The following WDR82 variants were observed in gnomAD, a reference collection of about 807,000 sequenced individuals.
WDR82 encodes the protein WD repeat-containing protein 82.
WDR82 carries 8 observed loss-of-function variants against 36.1 expected under a neutral mutation model. The ratio of observed to expected loss-of-function variants is 0.22; its 90% CI spans 0.13 to 0.40. The LOEUF is 0.40. Among genes scored for constraint, WDR82 ranks in the 10% least tolerant of loss-of-function variants. WDR82 has a pLI of 1.00. For synonymous variants in WDR82, 129 were observed against 137.8 expected (o/e 0.94, Z 0.45); for missense variants, 185 against 400.5 (o/e 0.46, Z 4.59).
Position 52,256,607 on chromosome 3 carries a change from G to T in WDR82, c.*883C>A, listed in dbSNP as rs1464059249. 1 of 153,702 alleles carries T rather than the reference G, an allele frequency of 6.5e-6. No individual in the cohort carries two copies. The highest frequency in any genetic ancestry group is 1.5e-5 in the Non-Finnish European group (1 of 68,048). 9.5% of individuals were successfully genotyped at this position (153,702 alleles called of 1,614,324 possible). ...AACTCAGACTCACTTCACAATACTGGCCCACAGGTAAGTGTGATGTATCTC... is the reference window on the plus strand; with the variant it reads ...AACTCAGACTCACTTCACAATACTGTCCCACAGGTAAGTGTGATGTATCTC... On this transcript the variant is annotated 3_prime_UTR_variant, in exon 9 of 9. Transcript: ENST00000296490.
chr3:52,270,238 G>C (rs1403263694), intron 2 of WDR82, among the ~76,000 whole-genome samples: 3 of 152,194 alleles, frequency 2.0e-5, no homozygotes, highest in South Asian at 2.1e-4. Flanking sequence ...TCCTGCCTCA[G>C]CCTCCTGTGT....
In WDR82 at chr3:52,255,611, TAAAA is replaced by T. The variant is rs879117451; in HGVS notation, c.*1875_*1878del. ...AGGAACAAGTCAAAAAGTAATTGCT[TAAAA>T]AAAAAAAGTGCTAGCAATTCACAGC... On this transcript the variant is annotated 3_prime_UTR_variant, in exon 9 of 9. Coordinates refer to ENST00000296490, the MANE Select transcript of WDR82 (RefSeq NM_025222.4). 6.8e-6 allele frequency: 1 copy of T among 146,332 alleles called. No homozygotes were observed. Among genetic ancestry groups the T allele is most frequent in the East Asian group, 2.0e-4 (1 of 5,042 alleles). 9.1% of individuals were successfully genotyped at this position (146,332 alleles called of 1,614,324 possible). A position where few individuals can be genotyped will look rare whatever the true frequency, so the allele number is the denominator to read the frequency against.
chr3:52,258,734 T>A, intron 7 of WDR82, 56 bp from the exon 8 acceptor site: 1 of 1,609,312 alleles, frequency 6.2e-7, no homozygotes, highest in Non-Finnish European at 8.5e-7. Context: ...CAAAGACAAC[T>A]GGAAATGAGA....
rs1553619918 is a variant in WDR82 at position 52,277,065 on chromosome 3, A to AAATGAT, written c.161+1135_161+1136insATCATT. 2.1e-5 allele frequency among the ~76,000 whole-genome samples: 3 copies of AAATGAT among 141,022 alleles called. No individual in the cohort carries two copies. The South Asian group carries it at 6.8e-4, about 32-fold the overall frequency. 92.5% of individuals were successfully genotyped at this position (141,022 alleles called of 152,430 possible). ...AAGGTGGAGAAAAACCCAAGATCTC[A>AAATGAT]AATAATAATAATAATAATAATAATA... On this transcript the variant is annotated intron_variant, in intron 1 of 8. Transcript: ENST00000296490.
At chr3:52,264,219 T>C (rs1700086533) in intron 3 of WDR82, among the ~76,000 whole-genome samples, 1 of 152,022 alleles carries the variant, frequency 6.6e-6, no homozygotes, top group African/African-American at 2.4e-5. Context: ...AAACTGATAA[T>C]AGACATGAGC....
intron 6 of WDR82, 60 bp from the exon 7 acceptor site, chr3:52,259,326 TACAA>T: frequency 6.6e-7 from 1 of 1,522,856 alleles, no homozygotes; most frequent in Non-Finnish European, 9.1e-7. Context: ...AACAGCTGCC[TACAA>T]ACACTGACTC....
chr3:52,261,786 G>A (rs1252580995), intron 3 of WDR82, among the ~76,000 whole-genome samples: 1 of 152,162 alleles, frequency 6.6e-6, no homozygotes, highest in African/African-American at 2.4e-5. Flanking sequence ...GTGTTGGTGA[G>A]GATGCAGAGA....
At chr3:52,276,460 A>C (rs1295149756) in intron 1 of WDR82, among the ~76,000 whole-genome samples, 2 of 152,114 alleles carry the variant, frequency 1.3e-5, no homozygotes, top group African/African-American at 2.4e-5. Flanking sequence ...AAAAAAAAGA[A>C]AGACAGGACT....
intron 4 of WDR82, 53 bp downstream of exon 4, chr3:52,261,327 A>C (rs1670311807): frequency 6.7e-7 from 1 of 1,488,988 alleles, no homozygotes; most frequent in South Asian, 1.2e-5. Flanking sequence ...AGAGTTCATT[A>C]CAGTGCCTAC....
intron 1 of WDR82, among the ~76,000 whole-genome samples, chr3:52,271,517 GAT>G (rs1700153679): frequency 6.6e-6 from 1 of 151,780 alleles, no homozygotes; most frequent in African/African-American, 2.4e-5. Flanking sequence ...AACAAAGAGG[GAT>G]ATGAGAATAT....
At chr3:52,277,264 G>A (rs75217769) in intron 1 of WDR82, among the ~76,000 whole-genome samples, 3,845 of 152,094 alleles carry the variant, frequency 0.025, 159 homozygotes, top group African/African-American at 0.087. Context: ...CGTGCGGTGA[G>A]GAGGGCTGAC....
chr3:52,273,617 G>C (rs1310493003), intron 1 of WDR82, among the ~76,000 whole-genome samples: 2 of 151,822 alleles, frequency 1.3e-5, no homozygotes, highest in Admixed American at 6.6e-5. Context: ...TTCCCAATTT[G>C]ATTTTTATTA....
rs145715755 is a variant in WDR82 at position 52,261,590 on chromosome 3, T to C, written c.327-111A>G. 135 of 806,634 alleles carry C rather than the reference T, an allele frequency of 1.7e-4. No individual in the cohort carries two copies. In the African/African-American group the frequency reaches 2.0e-3, roughly 12 times the overall value. 50.0% of individuals were successfully genotyped at this position (806,634 alleles called of 1,614,324 possible). ...CATATATATACCTGTTCTCCCAAAA[T>C]TGCCATTTTAAGAAACACAATAAAA... On this transcript the variant is annotated intron_variant, in intron 3 of 8. Coordinates refer to ENST00000296490, the MANE Select transcript of WDR82 (RefSeq NM_025222.4).
intron 2 of WDR82, among the ~76,000 whole-genome samples, chr3:52,269,186 G>T (rs1375027872): frequency 6.6e-6 from 1 of 152,126 alleles, no homozygotes; most frequent in African/African-American, 2.4e-5. Flanking sequence ...TTTAAAAACA[G>T]AATCCTGGCC....
chr3:52,275,799 G>A (rs1004850870), intron 1 of WDR82, among the ~76,000 whole-genome samples: 1 of 152,132 alleles, frequency 6.6e-6, no homozygotes, highest in Admixed American at 6.5e-5. Flanking sequence ...CAGGAGAATC[G>A]CTTGAACCCA....
intron 1 of WDR82, among the ~76,000 whole-genome samples, chr3:52,276,427 T>TCCC (rs1233592070): frequency 1.7e-4 from 25 of 143,352 alleles, no homozygotes; most frequent in African/African-American, 6.3e-4. Context: ...AGAGACTCCG[T>TCCC]CCCCCACCCG....
chr3:52,259,637 C>T, intron 6 of WDR82, 80 bp downstream of exon 6: 1 of 1,485,996 alleles, frequency 6.7e-7, no homozygotes, highest in African/African-American at 1.4e-5. Flanking sequence ...AACTGTTGGT[C>T]TCCACCAACC....
At chr3:52,277,988 T>C (rs1578013880) in intron 1 of WDR82, among the ~76,000 whole-genome samples, 1 of 152,014 alleles carries the variant, frequency 6.6e-6, no homozygotes, top group Non-Finnish European at 1.5e-5. Context: ...ATACAAATAA[T>C]ATTATAAAAT....
intron 8 of WDR82, among the ~76,000 whole-genome samples, chr3:52,258,069 C>T (rs745697404): frequency 2.5e-4 from 38 of 152,142 alleles, no homozygotes; most frequent in African/African-American, 5.5e-4. Context: ...ATCCTTTGTT[C>T]TGTTAGTATT....
Sources: allele counts gnomAD v4.1 joint callset (sites outside exome capture counted in the v4.1 genomes callset), GRCh38; gene constraint gnomAD v4.1.1; transcripts MANE v1.5; gene names NCBI Gene and HGNC (gene_info 2026-07-23, HGNC 2026-07-21).